The following CNTN5 variants were observed in gnomAD, a reference collection of about 807,000 sequenced individuals.
CNTN5 encodes the protein contactin-5.
Under a neutral mutation model 129.1 loss-of-function variants are expected in CNTN5, and 77 were observed. The ratio of observed to expected loss-of-function variants is 0.60; its 90% confidence interval spans 0.50 to 0.72. The LOEUF is 0.72. CNTN5 is among the 30% of genes least tolerant of loss of function. CNTN5 has a pLI of 0.00. For missense variants in CNTN5, 1,478 were observed against 1,328.8 expected, an observed-to-expected ratio of 1.11 and a Z score of -1.75; for synonymous variants, 509 against 465.6, an observed-to-expected ratio of 1.09 and a Z score of -1.20.
intron 2 of CNTN5, among the ~76,000 whole-genome samples, chr11:99,327,532 A>C (rs1047388157): frequency 6.6e-6 from 1 of 152,192 alleles, no homozygotes; most frequent in African/African-American, 2.4e-5. Context: ...CACTCTTATT[A>C]TGCCATTTTT....
chr11:99,784,269 A>C (rs1945428920), intron 3 of CNTN5, among the ~76,000 whole-genome samples: 3 of 152,042 alleles, frequency 2.0e-5, no homozygotes, highest in Admixed American at 2.0e-4. Flanking sequence ...ACATTACATT[A>C]GGTATTTCTC....
intron 3 of CNTN5, among the ~76,000 whole-genome samples, chr11:99,728,304 A>C (rs534456296): frequency 6.6e-6 from 1 of 152,274 alleles, no homozygotes; most frequent in Non-Finnish European, 1.5e-5. Context: ...TTAAAGGATA[A>C]ATCTTAAGGC....
intron 2 of CNTN5, among the ~76,000 whole-genome samples, chr11:99,440,432 T>C (rs1199397003): frequency 6.6e-6 from 1 of 151,742 alleles, no homozygotes; most frequent in Non-Finnish European, 1.5e-5. Flanking sequence ...ATAAAAATAT[T>C]ATTAAGGGAA....
chr11:99,310,940 T>C (rs1384018636), intron 1 of CNTN5, among the ~76,000 whole-genome samples: 1 of 1,400 alleles, frequency 7.1e-4, no homozygotes, highest in Non-Finnish European at 2.5e-3. Flanking sequence ...TATTTATTAT[T>C]TTTTTTTTTG....
At chr11:99,346,688 A>G (rs1006298212) in intron 2 of CNTN5, among the ~76,000 whole-genome samples, 1 of 152,200 alleles carries the variant, frequency 6.6e-6, no homozygotes, top group Non-Finnish European at 1.5e-5. Flanking sequence ...TCCCAGTGGT[A>G]TTATATTTAG....
At chr11:100,228,234 C>G (rs1429410395) in intron 16 of CNTN5, among the ~76,000 whole-genome samples, 1 of 152,162 alleles carries the variant, frequency 6.6e-6, no homozygotes, top group African/African-American at 2.4e-5. Flanking sequence ...AATAATCTCT[C>G]GAGTCCTTCT....
chr11:99,798,350 A>C (rs549552219), intron 3 of CNTN5, among the ~76,000 whole-genome samples: 6 of 152,264 alleles, frequency 3.9e-5, no homozygotes, highest in African/African-American at 1.4e-4. Flanking sequence ...ATTGTTCCTC[A>C]AGTCTACTGT....
intron 3 of CNTN5, among the ~76,000 whole-genome samples, chr11:99,791,739 T>C (rs1369786058): frequency 6.6e-6 from 1 of 152,156 alleles, no homozygotes; most frequent in Non-Finnish European, 1.5e-5. Flanking sequence ...TGATTATTCC[T>C]ATAAGAGTGG....
chr11:100,060,419 T>C (rs1943416491), intron 9 of CNTN5, among the ~76,000 whole-genome samples: 1 of 151,990 alleles, frequency 6.6e-6, no homozygotes, highest in Non-Finnish European at 1.5e-5. Context: ...ACAGAAATAT[T>C]ACATGTGTGA....
chr11:100,184,896 C>A (rs1343632780), intron 13 of CNTN5, among the ~76,000 whole-genome samples: 1 of 151,984 alleles, frequency 6.6e-6, no homozygotes, highest in African/African-American at 2.4e-5. Flanking sequence ...AGAAGGGACC[C>A]AGTGGGAGGT....
At chr11:100,066,482 G>C (rs1943700497) in intron 10 of CNTN5, among the ~76,000 whole-genome samples, 1 of 152,086 alleles carries the variant, frequency 6.6e-6, no homozygotes, top group African/African-American at 2.4e-5. Context: ...TAATAAGCAA[G>C]AGTTTTCTTT....
At chr11:99,916,550 A>G (rs1949794483) in intron 7 of CNTN5, among the ~76,000 whole-genome samples, 3 of 152,168 alleles carry the variant, frequency 2.0e-5, no homozygotes, top group African/African-American at 4.8e-5. Context: ...TTAGTTGTTT[A>G]TGGTGCTCTT....
chr11:99,133,162 T>G (rs962097001), intron 1 of CNTN5, among the ~76,000 whole-genome samples: 1 of 152,076 alleles, frequency 6.6e-6, no homozygotes, highest in African/African-American at 2.4e-5. Context: ...AGGAGAGGAT[T>G]CCCTATTCAA....
At chr11:100,346,078 G>A (rs1335749490) in intron 23 of CNTN5, among the ~76,000 whole-genome samples, 1 of 152,074 alleles carries the variant, frequency 6.6e-6, no homozygotes, top group Non-Finnish European at 1.5e-5. Context: ...AGAATCAACT[G>A]CCTATTTTAT....
chr11:99,763,982 C>A (rs1257467469), intron 3 of CNTN5, among the ~76,000 whole-genome samples: 1 of 151,828 alleles, frequency 6.6e-6, no homozygotes, highest in Admixed American at 6.6e-5. Flanking sequence ...TTGTGGATTT[C>A]AAATAACCAT....
chr11:99,381,464 A>G (rs1277501679), intron 2 of CNTN5, among the ~76,000 whole-genome samples: 1 of 152,194 alleles, frequency 6.6e-6, no homozygotes, highest in African/African-American at 2.4e-5. Flanking sequence ...TGAACTTGAA[A>G]AGGACAAAGA....
intron 13 of CNTN5, among the ~76,000 whole-genome samples, chr11:100,127,707 G>A (rs1461507835): frequency 9.3e-5 from 12 of 128,874 alleles, no homozygotes; most frequent in Non-Finnish European, 1.6e-5. Context: ...CACCCAGGCT[G>A]GAGTGCAATG....
At chr11:99,496,008 A>G (rs1246280201) in intron 2 of CNTN5, among the ~76,000 whole-genome samples, 1 of 152,174 alleles carries the variant, frequency 6.6e-6, no homozygotes, top group Non-Finnish European at 1.5e-5. Context: ...GAAAGGGTAC[A>G]CATTTTTGTT....
At chr11:99,863,527 A>G (rs926007371) in intron 6 of CNTN5, among the ~76,000 whole-genome samples, 3 of 152,170 alleles carry the variant, frequency 2.0e-5, no homozygotes, top group Non-Finnish European at 4.4e-5. Context: ...AACCGGGAAC[A>G]TCAAGACTGT....
Sources: allele counts gnomAD v4.1 joint callset (sites outside exome capture counted in the v4.1 genomes callset), GRCh38; gene constraint gnomAD v4.1.1; transcripts MANE v1.5; gene names NCBI Gene and HGNC (gene_info 2026-07-23, HGNC 2026-07-21).